Variants in GPC5 observed in about 807,000 individuals in gnomAD.
GPC5 encodes the protein glypican 5, also known as glypican-5.
In GPC5, 47 loss-of-function variants were observed where a neutral mutation model predicts 53.9. The observed-to-expected ratio is 0.87, with a 90% CI of 0.69 to 1.11. The LOEUF (loss-of-function observed/expected upper bound fraction) is 1.11, where lower values mean the gene tolerates loss of function less well. Ranked by LOEUF, GPC5 falls within the 50% of genes most tolerant of loss-of-function variation. The pLI is 0.00. For missense variants in GPC5, 748 were observed against 713.1 expected, an observed-to-expected ratio of 1.05 and a Z score of -0.56; for synonymous variants, 286 against 263.3, an observed-to-expected ratio of 1.09 and a Z score of -0.84.
rs2026970 is a variant in GPC5, at chr13:91,803,781, G to A, written c.1280+47361G>A. 6.1e-5 allele frequency among the ~76,000 whole-genome samples: 9 copies of A among 147,642 alleles called. 1 individual carries two copies. The East Asian group carries it at 1.8e-3, about 30-fold the overall frequency. ...TATAACAGAGACAGACAGACAGACAGACACACACACACACACACACACACA... is the reference window on the plus strand; with the variant it reads ...TATAACAGAGACAGACAGACAGACAAACACACACACACACACACACACACA... On this transcript the variant is annotated intron_variant, in intron 5 of 7. Coordinates refer to ENST00000377067, the MANE Select transcript of GPC5 (RefSeq NM_004466.6).
chr13:92,234,895 C>G (rs2042559182), intron 7 of GPC5, among the ~76,000 whole-genome samples: 1 of 152,016 alleles, frequency 6.6e-6, no homozygotes, highest in Non-Finnish European at 1.5e-5. Context: ...GATGGCATGG[C>G]CTTAACTTTA....
At chr13:92,505,108 A>G (rs572407295) in intron 7 of GPC5, among the ~76,000 whole-genome samples, 24 of 151,938 alleles carry the variant, frequency 1.6e-4, no homozygotes, top group African/African-American at 5.5e-4. Flanking sequence ...AGTAACTTTG[A>G]GAAGTTAAAG....
In GPC5 at chr13:92,336,962, G is replaced by A. The variant is rs974470328; in HGVS notation, c.1561+191973G>A. On this transcript the variant is annotated intron_variant, in intron 7 of 7. Coordinates refer to ENST00000377067, the MANE Select transcript of GPC5 (RefSeq NM_004466.6). ...CGGAATTGCCTTTTATAAAACCAACGGATCTCATGAGACTTATTCACTATC... is the reference window on the plus strand; with the variant it reads ...CGGAATTGCCTTTTATAAAACCAACAGATCTCATGAGACTTATTCACTATC... Among the ~76,000 whole-genome samples, 8 of 152,040 alleles carry A rather than the reference G, an allele frequency of 5.3e-5. No homozygotes were observed. The South Asian group carries it at 1.0e-3, about 20-fold the overall frequency.
chr13:91,767,857 C>G (rs1361794788), intron 5 of GPC5, among the ~76,000 whole-genome samples: 1 of 152,132 alleles, frequency 6.6e-6, no homozygotes, highest in Non-Finnish European at 1.5e-5. Context: ...TTTGGGAGTA[C>G]AGATTTCATC....
At chr13:92,375,212 T>C (rs1415287759) in intron 7 of GPC5, among the ~76,000 whole-genome samples, 1 of 152,220 alleles carries the variant, frequency 6.6e-6, no homozygotes, top group Non-Finnish European at 1.5e-5. Flanking sequence ...GTTTTGTAAA[T>C]TTTAAGCTAA....
At chr13:91,480,518 C>T (rs978095501) in intron 2 of GPC5, among the ~76,000 whole-genome samples, 1 of 152,206 alleles carries the variant, frequency 6.6e-6, no homozygotes, top group Non-Finnish European at 1.5e-5. Flanking sequence ...TTACTTACTA[C>T]TAAAAGGCTC....
chr13:91,523,111 G>T (rs961789553), intron 2 of GPC5, among the ~76,000 whole-genome samples: 1 of 152,160 alleles, frequency 6.6e-6, no homozygotes, highest in Admixed American at 6.5e-5. Flanking sequence ...GCCAGGAGAT[G>T]GAGAAATGGA....
At chr13:91,614,647 A>G (rs1233288374) in intron 2 of GPC5, among the ~76,000 whole-genome samples, 3 of 152,192 alleles carry the variant, frequency 2.0e-5, no homozygotes, top group Non-Finnish European at 4.4e-5. Context: ...TCTAATTTCT[A>G]TATGAAATAA....
intron 7 of GPC5, among the ~76,000 whole-genome samples, chr13:92,634,242 A>G (rs1270436765): frequency 6.6e-6 from 1 of 152,084 alleles, no homozygotes. Flanking sequence ...CATAATTCCA[A>G]GATTACCTTT....
chr13:91,870,089 T>C (rs1033980278), intron 5 of GPC5, among the ~76,000 whole-genome samples: 8 of 152,204 alleles, frequency 5.3e-5, no homozygotes. Flanking sequence ...AGACCCTTAA[T>C]TGGTAAAGAC....
intron 7 of GPC5, among the ~76,000 whole-genome samples, chr13:92,253,555 T>C (rs2042706611): frequency 6.6e-6 from 1 of 152,224 alleles, no homozygotes; most frequent in South Asian, 2.1e-4. Flanking sequence ...AGTAGTAAGA[T>C]AGCATTCTGG....
chr13:92,586,874 G>A (rs1310289778), intron 7 of GPC5, among the ~76,000 whole-genome samples: 1 of 152,046 alleles, frequency 6.6e-6, no homozygotes, highest in Non-Finnish European at 1.5e-5. Flanking sequence ...GAGTTCCCTA[G>A]AGCTTTCAGC....
At chr13:91,866,186 C>A (rs1288431358) in intron 5 of GPC5, among the ~76,000 whole-genome samples, 2 of 152,144 alleles carry the variant, frequency 1.3e-5, no homozygotes, top group African/African-American at 2.4e-5. Flanking sequence ...TTTTTAAATT[C>A]ATGCTTCTGA....
intron 6 of GPC5, among the ~76,000 whole-genome samples, chr13:91,973,831 TC>T (rs1273002068): frequency 6.6e-6 from 1 of 152,160 alleles, no homozygotes. Context: ...TGCTGCCTGA[TC>T]ATTCCTCTGG....
chr13:92,655,297 T>TTTTATTTA (rs374530742), intron 7 of GPC5, among the ~76,000 whole-genome samples: 14,601 of 146,036 alleles, frequency 0.1, 1,061 homozygotes, highest in East Asian at 0.32. Flanking sequence ...AGTTGATTGC[T>TTTTATTTA]TTTATTTATT....
At position 91,988,020 on chromosome 13, in the gene GPC5, C is replaced by T. The variant is rs559696159; in HGVS notation, c.1401+79963C>T. Among the ~76,000 whole-genome samples, 35 of 145,068 alleles carry T rather than the reference C, an allele frequency of 2.4e-4. 1 individual carries two copies. The highest frequency in any genetic ancestry group is 8.8e-4 in the African/African-American group (35 of 39,868). ...ATTATATAAAATACATAAAAATATACTATATATAGTATTTATATATAAATA... is the reference window on the plus strand; with the variant it reads ...ATTATATAAAATACATAAAAATATATTATATATAGTATTTATATATAAATA... On this transcript the variant is annotated intron_variant, in intron 6 of 7. Transcript: ENST00000377067.
chr13:92,514,616 C>T (rs1012711921), intron 7 of GPC5, among the ~76,000 whole-genome samples: 13 of 152,260 alleles, frequency 8.5e-5, no homozygotes, highest in African/African-American at 3.1e-4. Flanking sequence ...GTAATAGTGG[C>T]AAGCAGAGAC....
intron 7 of GPC5, among the ~76,000 whole-genome samples, chr13:92,225,604 C>T (rs2042479478): frequency 6.6e-6 from 1 of 152,186 alleles, no homozygotes; most frequent in African/African-American, 2.4e-5. Flanking sequence ...CATACATGAG[C>T]TTTTGCCAGC....
At chr13:92,281,385 C>T (rs936368185) in intron 7 of GPC5, among the ~76,000 whole-genome samples, 2 of 152,192 alleles carry the variant, frequency 1.3e-5, no homozygotes, top group African/African-American at 4.8e-5. Context: ...TGTCTGACAG[C>T]TTTGAAGAGA....
Sources: allele counts gnomAD v4.1 joint callset (sites outside exome capture counted in the v4.1 genomes callset), GRCh38; gene constraint gnomAD v4.1.1; transcripts MANE v1.5; gene names NCBI Gene and HGNC (gene_info 2026-07-23, HGNC 2026-07-21).